GLI2: variants seen among roughly 807,000 people sequenced by gnomAD.
GLI2 encodes the protein GLI family zinc finger 2.
A neutral mutation model predicts 78.9 loss-of-function variants in GLI2; 22 were observed. The ratio of observed to expected loss-of-function variants is 0.28; its 90% CI spans 0.20 to 0.40. GLI2 has a LOEUF of 0.40. Among genes scored for constraint, GLI2 ranks in the 10% least tolerant of loss-of-function variants. The probability of loss-of-function intolerance (pLI) is 1.00; values close to 1 mark genes in which losing one functional copy is unlikely to be tolerated. For synonymous variants in GLI2, 974 were observed against 963.7 expected, an observed-to-expected ratio of 1.01 and a Z score of -0.20; for missense variants, 2,097 against 2,213.2, an observed-to-expected ratio of 0.95 and a Z score of 1.05.
At chr2:120,971,661 C>T (rs1225594810) in intron 7 of GLI2, among the ~76,000 whole-genome samples, 1 of 152,180 alleles carries the variant, frequency 6.6e-6, no homozygotes. Context: ...GCAAGGGCAC[C>T]CTGCATTTTC....
intron 2 of GLI2, among the ~76,000 whole-genome samples, chr2:120,876,566 G>A (rs922412008): frequency 3.3e-5 from 5 of 151,992 alleles, no homozygotes; most frequent in African/African-American, 1.2e-4. Flanking sequence ...AATACTCACC[G>A]GAGAAATCAG....
intron 3 of GLI2, among the ~76,000 whole-genome samples, chr2:120,938,706 G>A (rs4848651): frequency 0.84 from 127,351 of 152,160 alleles, 57,391 homozygotes; most frequent in East Asian, 1. Context: ...TGCTGCAGAC[G>A]GGGCTAGGGC....
intron 2 of GLI2, among the ~76,000 whole-genome samples, chr2:120,891,299 G>A (rs1677668715): frequency 6.6e-6 from 1 of 152,106 alleles, no homozygotes; most frequent in African/African-American, 2.4e-5. Context: ...AGTGGGTGTA[G>A]GCAGAGAAGG....
intron 2 of GLI2, among the ~76,000 whole-genome samples, chr2:120,864,066 G>T (rs543809963): frequency 6.6e-6 from 1 of 152,346 alleles, no homozygotes; most frequent in East Asian, 1.9e-4. Flanking sequence ...ACTGGGCTTT[G>T]GTGGAGCCAG....
At chr2:120,893,795 G>A (rs1414954616) in intron 2 of GLI2, among the ~76,000 whole-genome samples, 2 of 152,184 alleles carry the variant, frequency 1.3e-5, no homozygotes, top group African/African-American at 4.8e-5. Flanking sequence ...GGGCGAGGAA[G>A]CGGATGGTTT....
At chr2:120,776,196 T>C (rs576149512) in intron 1 of GLI2, among the ~76,000 whole-genome samples, 5 of 152,322 alleles carry the variant, frequency 3.3e-5, no homozygotes, top group South Asian at 2.1e-4. Context: ...TTGACACATA[T>C]TGACACATTT....
In GLI2 at chr2:120,843,387, A is replaced by G. The variant is rs577665519; in HGVS notation, c.148+45919A>G. On this transcript the variant is annotated intron_variant, in intron 2 of 13. Coordinates refer to ENST00000361492, the MANE Select transcript of GLI2 (RefSeq NM_001374353.1). ...CCCATCACTGTGGCTACCCAGGCAC[A>G]CTTAGAACTTAGACGTCAGGACAAG... 2.0e-5 allele frequency among the ~76,000 whole-genome samples: 3 copies of G among 152,358 alleles called. No individual in the cohort carries two copies. In the East Asian group the frequency reaches 5.8e-4, roughly 29 times the overall value.
intron 2 of GLI2, chr2:120,867,317 G>C (rs948786379): frequency 3.9e-5 from 6 of 152,244 alleles, no homozygotes; most frequent in Admixed American, 3.9e-4. Context: ...GCACCCGCAG[G>C]GTGGACAGCA....
At chr2:120,829,202 T>G (rs562721026) in intron 2 of GLI2, among the ~76,000 whole-genome samples, 34 of 152,310 alleles carry the variant, frequency 2.2e-4, no homozygotes, top group Non-Finnish European at 1.6e-4. Context: ...CACATTCGCA[T>G]GCACACGCCT....
chr2:120,837,727 G>A (rs974284550), intron 2 of GLI2, among the ~76,000 whole-genome samples: 4 of 152,228 alleles, frequency 2.6e-5, no homozygotes, highest in Admixed American at 6.5e-5. Context: ...GTGAATAATC[G>A]TCTCAGTAGC....
chr2:120,956,520 C>T (rs1171516657), intron 5 of GLI2, among the ~76,000 whole-genome samples: 1 of 152,116 alleles, frequency 6.6e-6, no homozygotes, highest in Non-Finnish European at 1.5e-5. Context: ...AGGCTCAGCA[C>T]CCCCTCCCAT....
chr2:120,926,727 C>A (rs747289487), intron 2 of GLI2, among the ~76,000 whole-genome samples: 1 of 152,218 alleles, frequency 6.6e-6, no homozygotes, highest in Non-Finnish European at 1.5e-5. Context: ...CTGACACGCA[C>A]GTGCTGGCGT....
intron 2 of GLI2, among the ~76,000 whole-genome samples, chr2:120,839,141 C>A (rs1573459222): frequency 6.6e-6 from 1 of 152,114 alleles, no homozygotes; most frequent in Admixed American, 6.5e-5. Context: ...GGAATGCTTC[C>A]CTTTCCAATA....
intron 2 of GLI2, among the ~76,000 whole-genome samples, chr2:120,870,491 C>T (rs1301860698): frequency 2.0e-5 from 3 of 152,090 alleles, no homozygotes; most frequent in South Asian, 2.1e-4. Flanking sequence ...GAGAGGGCAG[C>T]GACTTGGTTC....
intron 2 of GLI2, among the ~76,000 whole-genome samples, chr2:120,863,922 C>T (rs1203014588): frequency 6.6e-6 from 1 of 152,154 alleles, no homozygotes; most frequent in Non-Finnish European, 1.5e-5. Flanking sequence ...GTGGCGTCTG[C>T]TGTGTCTGCT....
chr2:120,926,147 A>G (rs529167310), intron 2 of GLI2, among the ~76,000 whole-genome samples: 1 of 152,008 alleles, frequency 6.6e-6, no homozygotes, highest in Admixed American at 6.5e-5. Context: ...AAAAAAAAAA[A>G]GAATTCATAG....
intron 2 of GLI2, among the ~76,000 whole-genome samples, chr2:120,867,955 G>A (rs1688230504): frequency 6.6e-6 from 1 of 152,196 alleles, no homozygotes; most frequent in South Asian, 2.1e-4. Flanking sequence ...GTGGACCCAG[G>A]CGAGCGTGCC....
chr2:120,760,759 G>A (rs183185557), intron 1 of GLI2, among the ~76,000 whole-genome samples: 1 of 152,186 alleles, frequency 6.6e-6, no homozygotes, highest in East Asian at 1.9e-4. Context: ...CCCTAAGTTC[G>A]GTGGTGTCTG....
At chr2:120,767,277 G>C (rs1683392477) in intron 1 of GLI2, among the ~76,000 whole-genome samples, 2 of 151,998 alleles carry the variant, frequency 1.3e-5, no homozygotes. Context: ...GCTTTTCCAA[G>C]GGTACAGCTG....
Sources: gnomAD v4.1 joint callset for allele counts (sites outside exome capture counted in the v4.1 genomes callset) on GRCh38, gnomAD v4.1.1 for gene constraint, MANE v1.5 for transcripts, NCBI Gene and HGNC (gene_info 2026-07-23, HGNC 2026-07-21) for gene names.